The following ZC3H12B variants were observed in gnomAD, a reference collection of about 807,000 sequenced individuals.
The protein encoded by ZC3H12B is zinc finger CCCH-type containing 12B, also known as probable ribonuclease ZC3H12B.
Under a neutral mutation model 43.9 loss-of-function variants are expected in ZC3H12B, and 7 were observed. The observed-to-expected ratio is 0.16, with a 90% CI of 0.09 to 0.30. The LOEUF (loss-of-function observed/expected upper bound fraction) is 0.30, where lower values mean the gene tolerates loss of function less well. Among genes scored for constraint, ZC3H12B ranks in the 10% least tolerant of loss-of-function variants. ZC3H12B has a pLI of 1.00. For missense variants in ZC3H12B, 475 were observed against 670.2 expected (o/e 0.71, Z 3.22); for synonymous variants, 222 against 241.7 (o/e 0.92, Z 0.76).
intron 3 of ZC3H12B, among the ~76,000 whole-genome samples, chrX:65,401,086 A>G (rs1488509115): frequency 1.0e-4 from 9 of 89,712 alleles, no homozygotes; most frequent in African/African-American, 7.9e-4. Context: ...TACAGAGGAA[A>G]AAAAAAAAAA....
At chrX:65,128,893 G>T in the ZC3H12B span, among the ~76,000 whole-genome samples, 1 of 111,452 alleles carries the variant, frequency 9.0e-6, no homozygotes, top group Admixed American at 9.5e-5. Flanking sequence ...AGGTTTGCTT[G>T]TTGTATCTTT....
exon 5 of ZC3H12B, chrX:65,503,122 C>T: frequency 1.7e-6 from 2 of 1,211,548 alleles, no homozygotes. Context: ...CTAACATCGT[C>T]CTTGCAGTGA....
At chrX:65,101,225 C>A in the ZC3H12B span, among the ~76,000 whole-genome samples, 2 of 112,034 alleles carry the variant, frequency 1.8e-5, no homozygotes, top group African/African-American at 6.5e-5. Context: ...GTACCAGAAT[C>A]TCTGGGATAC....
At chrX:65,448,288 C>A (rs1360368008) in intron 3 of ZC3H12B, among the ~76,000 whole-genome samples, 2 of 111,162 alleles carry the variant, frequency 1.8e-5, no homozygotes, top group African/African-American at 6.5e-5. Context: ...TTATGCACTG[C>A]TGGTAGAAAT....
the ZC3H12B span, among the ~76,000 whole-genome samples, chrX:65,077,029 G>A: frequency 1.8e-5 from 2 of 111,643 alleles, no homozygotes; most frequent in Non-Finnish European, 3.8e-5. Flanking sequence ...GGAATCTCTT[G>A]ATTCTTGAAT....
At chrX:65,202,606 G>A in the ZC3H12B span, among the ~76,000 whole-genome samples, 4 of 110,984 alleles carry the variant, frequency 3.6e-5, no homozygotes, top group East Asian at 8.6e-4. Flanking sequence ...TGGAGTCTAC[G>A]TCTTTGTTCT....
At chrX:65,483,687 T>C (rs1233917482) in intron 3 of ZC3H12B, among the ~76,000 whole-genome samples, 1 of 112,431 alleles carries the variant, frequency 8.9e-6, no homozygotes, top group African/African-American at 3.2e-5. Flanking sequence ...TAAATGATTG[T>C]TCATATGTTA....
chrX:65,057,066 G>T, the ZC3H12B span, among the ~76,000 whole-genome samples: 1 of 111,719 alleles, frequency 9.0e-6, no homozygotes, highest in Non-Finnish European at 1.9e-5. Context: ...TCTTTTAATT[G>T]GAGCATTTAG....
At chrX:65,231,132 A>T in the ZC3H12B span, among the ~76,000 whole-genome samples, 14 of 111,191 alleles carry the variant, frequency 1.3e-4, no homozygotes, top group African/African-American at 3.9e-4. Flanking sequence ...GTGCCATCAC[A>T]TATTGGTAGG....
the ZC3H12B span, among the ~76,000 whole-genome samples, chrX:65,250,121 G>A: frequency 9.1e-6 from 1 of 109,307 alleles, no homozygotes; most frequent in African/African-American, 3.3e-5. Context: ...AGTGTGTGAT[G>A]TTCCCCTTCC....
chrX:65,396,375 G>A (rs181266926), intron 2 of ZC3H12B, among the ~76,000 whole-genome samples: 2 of 111,846 alleles, frequency 1.8e-5, no homozygotes, highest in Admixed American at 1.9e-4. Flanking sequence ...ATTCTGGTAC[G>A]TTGTGTCTTC....
At chrX:65,123,060 G>C in the ZC3H12B span, among the ~76,000 whole-genome samples, 1 of 111,819 alleles carries the variant, frequency 8.9e-6, no homozygotes, top group Non-Finnish European at 1.9e-5. Flanking sequence ...ATTGGCTGTG[G>C]GTTTGTCATA....
chrX:65,124,359 A>G, the ZC3H12B span, among the ~76,000 whole-genome samples: 3 of 111,148 alleles, frequency 2.7e-5, no homozygotes, highest in Non-Finnish European at 5.7e-5. Context: ...ATGGTAGATT[A>G]TCTTTTTGAT....
At chrX:65,224,751 C>A in the ZC3H12B span, among the ~76,000 whole-genome samples, 1 of 112,024 alleles carries the variant, frequency 8.9e-6, no homozygotes, top group Non-Finnish European at 1.9e-5. Flanking sequence ...GGGTCCTAGG[C>A]CCATGGAGTC....
At chrX:65,486,098 C>T (rs1352411654), upstream of ZC3H12B, among the ~76,000 whole-genome samples, 3 of 112,272 alleles carry the variant, frequency 2.7e-5, no homozygotes, top group Non-Finnish European at 5.6e-5. Context: ...ACCTATCTCC[C>T]ACCCTACTGA....
chrX:65,233,531 T>TAAA, the ZC3H12B span, among the ~76,000 whole-genome samples: 1 of 96,615 alleles, frequency 1.0e-5, no homozygotes, highest in Admixed American at 1.1e-4. Flanking sequence ...AGAAGAAAAT[T>TAAA]AAAAAAAAAA....
the ZC3H12B span, among the ~76,000 whole-genome samples, chrX:65,171,653 A>T: frequency 9.0e-6 from 1 of 111,054 alleles, no homozygotes; most frequent in East Asian, 2.9e-4. Context: ...GAGTCTACAG[A>T]GGTAGGCAGG....
At chrX:65,124,932 C>T in the ZC3H12B span, among the ~76,000 whole-genome samples, 9 of 110,787 alleles carry the variant, frequency 8.1e-5, no homozygotes, top group Non-Finnish European at 1.7e-4. Flanking sequence ...TATCAAAGAA[C>T]CAGCTTTTTG....
At chrX:65,411,630 G>A (rs1469768611) in intron 3 of ZC3H12B, among the ~76,000 whole-genome samples, 1 of 110,220 alleles carries the variant, frequency 9.1e-6, no homozygotes, top group African/African-American at 3.3e-5. Context: ...GGAGGCTGAG[G>A]CAGGAGAATC....
Sources: gnomAD v4.1 joint callset for allele counts (sites outside exome capture counted in the v4.1 genomes callset) on GRCh38, gnomAD v4.1.1 for gene constraint, MANE v1.5 for transcripts, NCBI Gene and HGNC (gene_info 2026-07-23, HGNC 2026-07-21) for gene names.